HTT: variants seen among roughly 807,000 people sequenced by gnomAD.
The protein encoded by HTT is huntingtin, also known as huntington disease protein.
A neutral mutation model predicts 362.3 loss-of-function variants in HTT; 104 were observed. The observed-to-expected ratio is 0.29, with a 90% CI of 0.24 to 0.34. The LOEUF is 0.34. Among genes scored for constraint, HTT ranks in the 10% least tolerant of loss-of-function variants. The pLI, the probability that HTT is intolerant of heterozygous loss-of-function variation, is 1.00. For missense variants in HTT, 3,301 were observed against 3,928.6 expected (o/e 0.84, Z 4.27); for synonymous variants, 1,577 against 1,548.7 (o/e 1.02, Z -0.43).
intron 4 of HTT, 109 bp downstream of exon 4, chr4:3,103,992 T>C (rs886222143): frequency 2.1e-5 from 14 of 676,684 alleles, no homozygotes; most frequent in Non-Finnish European, 3.4e-5. Context: ...ACATGAGATA[T>C]TTTGATACAG....
At chr4:3,154,652 G>A (rs1029724100) in intron 27 of HTT, among the ~76,000 whole-genome samples, 1 of 152,246 alleles carries the variant, frequency 6.6e-6, no homozygotes, top group Non-Finnish European at 1.5e-5. Flanking sequence ...AGCCCCTACA[G>A]CCTCCAGGCT....
At chr4:3,223,205 C>T (rs987279851) in intron 54 of HTT, among the ~76,000 whole-genome samples, 3 of 152,236 alleles carry the variant, frequency 2.0e-5, no homozygotes, top group Non-Finnish European at 4.4e-5. Context: ...GAAAAATGGG[C>T]TTTTGCCCAT....
chr4:3,112,753 C>G (rs1481827675), intron 6 of HTT, among the ~76,000 whole-genome samples: 2 of 152,180 alleles, frequency 1.3e-5, no homozygotes, highest in Admixed American at 1.3e-4. Context: ...AGGTTTCCAT[C>G]TTGCACAGCT....
intron 24 of HTT, among the ~76,000 whole-genome samples, chr4:3,146,047 T>C (rs1210974184): frequency 6.6e-6 from 1 of 152,242 alleles, no homozygotes; most frequent in Non-Finnish European, 1.5e-5. Context: ...ATTTAAAATA[T>C]AGATTTAAAT....
At chr4:3,179,422 A>C (rs1718391282) in intron 35 of HTT, among the ~76,000 whole-genome samples, 1 of 152,212 alleles carries the variant, frequency 6.6e-6, no homozygotes. Flanking sequence ...TGAGAGGGTC[A>C]GAGAGTATAC....
intron 57 of HTT, among the ~76,000 whole-genome samples, chr4:3,227,764 G>T (rs1436318972): frequency 2.0e-4 from 19 of 93,720 alleles, no homozygotes; most frequent in East Asian, 3.4e-4. Context: ...TGCCACCCCT[G>T]CCCTGTCTGG....
At chr4:3,123,239 A>G (rs1715372287) in intron 10 of HTT, 1 of 262,002 alleles carries the variant, frequency 3.8e-6, no homozygotes. Flanking sequence ...GAGTGTAAAC[A>G]TCTTAGCTTT....
chr4:3,229,005 G>A lies in HTT; in HGVS notation c.8105G>A (p.Arg2702Lys). The A allele has an allele frequency of 6.2e-7, 1 of 1,611,826 alleles. No individual in the cohort carries two copies. Among genetic ancestry groups the A allele is most frequent in the Non-Finnish European group, 8.5e-7 (1 of 1,178,254 alleles). Residue 2702 changes from arginine (R) to lysine (K), a missense_variant, in exon 59 of 67, where the codon AGA becomes AAA. By Grantham distance (26) the Arg-to-Lys change is conservative. This residue lies in a region of HTT where 753 missense variants were observed against 1,021.3 expected (regional missense o/e 0.74). Coordinates refer to ENST00000355072, the MANE Select transcript of HTT (RefSeq NM_001388492.1). ...TPAILISEVV[R>K]SLLVVSDLFT... ...GCCATCCTGATCAGTGAGGTGGTCA[G>A]ATCCGTAAGTGAGCCTTCCCATTCC...
At position 3,228,007 on chromosome 4, in the gene HTT, G is replaced by A. The variant is rs1484106808; in HGVS notation, c.7849-608G>A. On this transcript the variant is annotated intron_variant, in intron 57 of 66. Coordinates refer to ENST00000355072, the MANE Select transcript of HTT (RefSeq NM_001388492.1). This position sits in a 1 kb window ranked among gnomAD's most constrained non-coding sequence, Gnocchi z 4.3. ...TCCCTGCAGGGTGCTGGGTCCCAGG[G>A]GGGAAATGGCCCTTGGTGCCAAGAA... Among the ~76,000 whole-genome samples the A allele has an allele frequency of 1.3e-5, 2 of 152,204 alleles. No individual in the cohort carries two copies. Among genetic ancestry groups the A allele is most frequent in the Non-Finnish European group, 2.9e-5 (2 of 68,036 alleles).
In HTT at chr4:3,189,077, C is replaced by A; in HGVS notation, c.5352C>A (p.Ile1784=). ...QELGTLLMCL[I]HIFKSGMFRR... ...TAGGCACACTGCTAATGTGTCTGAT[C>A]CACATCTTCAAGTCTGGTAGGTGAA... Residue 1784 remains isoleucine, a synonymous_variant, in exon 40 of 67, where the codon ATC becomes ATA. Transcript: ENST00000355072. 1.9e-6 allele frequency: 3 copies of A among 1,614,052 alleles called. 1 individual carries two copies. In the South Asian group the frequency reaches 3.3e-5, roughly 18 times the overall value.
chr4:3,226,868 A>G (rs1451150775), intron 57 of HTT, among the ~76,000 whole-genome samples: 1 of 152,222 alleles, frequency 6.6e-6, no homozygotes, highest in African/African-American at 2.4e-5. Flanking sequence ...GCAGGGAGCT[A>G]CTGGACCAGC....
At chr4:3,102,233 G>T (rs1163141864) in intron 3 of HTT, among the ~76,000 whole-genome samples, 1 of 152,240 alleles carries the variant, frequency 6.6e-6, no homozygotes, top group Non-Finnish European at 1.5e-5. Context: ...CCACCTGTGT[G>T]TCTGCGGAAG....
At position 3,174,779 on chromosome 4, in the gene HTT, A is replaced by C; in HGVS notation, c.4225A>C (p.Thr1409Pro). Residue 1409 changes from threonine (T) to proline (P), a missense_variant, in exon 32 of 67, where the codon ACA (threonine) becomes CCA (proline). This residue lies in a region of HTT where 2,316 missense variants were observed against 2,658.5 expected (regional missense o/e 0.87). Coordinates refer to ENST00000355072, the MANE Select transcript of HTT (RefSeq NM_001388492.1). ...TQLKTNLTSV[T>P]KNRADKNAIH... Reference sequence around the variant, plus strand: ...GTTGAAGACAAACCTCACGAGTGTCACAAAGAACCGTGCAGATAAGGTAAA... The same window carrying C: ...GTTGAAGACAAACCTCACGAGTGTCCCAAAGAACCGTGCAGATAAGGTAAA... 2 of 1,614,132 alleles carry C rather than the reference A, an allele frequency of 1.2e-6. No individual in the cohort carries two copies. Among genetic ancestry groups the C allele is most frequent in the Non-Finnish European group, 1.7e-6 (2 of 1,179,974 alleles).
At position 3,140,608 on chromosome 4, in the gene HTT, T is replaced by C. The variant is rs766158024; in HGVS notation, c.2897T>C (p.Met966Thr). The change falls in exon 22 of 67, where the codon ATG becomes ACG. Residue 966 changes from methionine to threonine, a missense_variant. Physicochemically the swap from Met to Thr is moderately conservative, Grantham distance 81. Around this residue, in one of 4 missense-constraint regions of HTT, gnomAD observed 2,316 missense variants for 2,658.5 expected, o/e 0.87. Coordinates refer to ENST00000355072, the MANE Select transcript of HTT (RefSeq NM_001388492.1). ...DQSSVYLKLL[M>T]HETQPPSHFS... ...AGCAGTGTTTACCTGAAACTTCTCA[T>C]GCATGAGACGCAGCCTCCATCTCAT... 11 of 1,614,220 alleles carry C rather than the reference T, an allele frequency of 6.8e-6. No homozygotes were observed. The East Asian group carries it at 2.0e-4, about 29-fold the overall frequency.
chr4:3,084,436 C>G (rs886186499), intron 1 of HTT, among the ~76,000 whole-genome samples: 1 of 152,052 alleles, frequency 6.6e-6, no homozygotes. Flanking sequence ...TGCCTGTAAT[C>G]CCAGCACTTT....
At chr4:3,084,500 G>A (rs1317025827) in intron 1 of HTT, among the ~76,000 whole-genome samples, 1 of 151,886 alleles carries the variant, frequency 6.6e-6, no homozygotes, top group Non-Finnish European at 1.5e-5. Flanking sequence ...GACCAGCCGG[G>A]CCAACATGAT....
intron 47 of HTT, among the ~76,000 whole-genome samples, chr4:3,210,509 C>T (rs1212028536): frequency 2.6e-5 from 4 of 152,180 alleles, no homozygotes; most frequent in Admixed American, 6.5e-5. Flanking sequence ...GTTCTTCACC[C>T]CCCAACCCCA....
intron 1 of HTT, among the ~76,000 whole-genome samples, chr4:3,083,000 A>G (rs147394816): frequency 6.3e-4 from 96 of 152,272 alleles, no homozygotes; most frequent in African/African-American, 2.0e-3. Flanking sequence ...ATTTGAGTGG[A>G]AAGGGGGCAA....
At chr4:3,095,609 TTTTG>T (rs774035567) in intron 2 of HTT, among the ~76,000 whole-genome samples, 76 of 152,318 alleles carry the variant, frequency 5.0e-4, no homozygotes, top group East Asian at 3.7e-3. Flanking sequence ...AGAAAAAATT[TTTTG>T]TTTGTTTGTT....
Sources: allele counts gnomAD v4.1 joint callset (sites outside exome capture counted in the v4.1 genomes callset), GRCh38; gene constraint gnomAD v4.1.1; regional missense constraint gnomAD v4.1.1; non-coding constraint Gnocchi (gnomAD v3.1); transcripts MANE v1.5; gene names NCBI Gene and HGNC (gene_info 2026-07-23, HGNC 2026-07-21).